Variants in COBL observed in about 807,000 individuals in gnomAD.
COBL encodes cordon-bleu WH2 repeat protein, also known as protein cordon-bleu.
COBL carries 51 observed loss-of-function variants against 98.8 expected under a neutral mutation model. That is an observed-to-expected ratio of 0.52 (90% CI 0.41 to 0.65). The LOEUF is 0.65. Among genes scored for constraint, COBL ranks in the 30% least tolerant of loss-of-function variants. The pLI, the probability that COBL is intolerant of heterozygous loss-of-function variation, is 0.00. For synonymous variants in COBL, 634 were observed against 651.7 expected (o/e 0.97, Z 0.41); for missense variants, 1,617 against 1,617.5 (o/e 1.00, Z 0.01).
At chr7:51,246,019 T>C (rs938380204) in intron 1 of COBL, among the ~76,000 whole-genome samples, 4 of 152,200 alleles carry the variant, frequency 2.6e-5, no homozygotes, top group African/African-American at 9.6e-5. Flanking sequence ...AAGATATCTA[T>C]GAATTATACC....
At position 51,271,422 on chromosome 7, in the gene COBL, C is replaced by A. The variant is rs76651909; in HGVS notation, c.41+45171G>T. Among the ~76,000 whole-genome samples, 953 of 152,294 alleles carry A rather than the reference C, an allele frequency of 6.3e-3. 24 individuals are homozygous for A. The East Asian group carries it at 0.063, about 10-fold the overall frequency. On this transcript the variant is annotated intron_variant, in intron 1 of 12. Coordinates refer to ENST00000265136, the MANE Select transcript of COBL (RefSeq NM_015198.5). ...GTAAGCCCCAACACTTCTGTTCTCA[C>A]CAGTTTGGGGATATTCTCACCAGGA...
chr7:51,263,575 C>G lies in COBL; in HGVS notation c.42-43631G>C, dbSNP rs377038807. ...TTCACACAGTGGGTGGAGGTCCCCA[C>G]TTTGGTGGGGAATTATGGAGCCCAC... On this transcript the variant is annotated intron_variant, in intron 1 of 12. Coordinates refer to ENST00000265136, the MANE Select transcript of COBL (RefSeq NM_015198.5). 2.9e-4 allele frequency among the ~76,000 whole-genome samples: 44 copies of G among 151,530 alleles called. 1 individual carries two copies. The East Asian group carries it at 7.4e-3, about 25-fold the overall frequency.
intron 6 of COBL, among the ~76,000 whole-genome samples, chr7:51,124,431 C>T (rs567312998): frequency 1.3e-5 from 2 of 152,254 alleles, no homozygotes; most frequent in East Asian, 3.9e-4. Context: ...GAGTTGCATG[C>T]CACTTACCAA....
At chr7:51,083,326 ACT>A (rs1793867983) in intron 7 of COBL, 1 of 837,288 alleles carries the variant, frequency 1.2e-6, no homozygotes, top group Admixed American at 3.2e-5. Context: ...ATCCAGCCAC[ACT>A]CAACACCAGA....
chr7:51,029,137 G>T lies in COBL; in HGVS notation c.1959C>A (p.Gly653=), dbSNP rs770672012. 1 of 1,614,162 alleles carries T rather than the reference G, an allele frequency of 6.2e-7. No homozygotes were observed. Among genetic ancestry groups the T allele is most frequent in the South Asian group, 1.1e-5 (1 of 91,080 alleles). ...LNAKVKDKVY[G]CADGERTQAT... Reference sequence around the variant, plus strand: ...CTTGAGTCCTCTCCCCGTCAGCACAGCCATACACTTTGTCTTTCACTTTTG... The same window carrying T: ...CTTGAGTCCTCTCCCCGTCAGCACATCCATACACTTTGTCTTTCACTTTTG... Residue 653 remains glycine (G), a synonymous_variant, in exon 10 of 13, where the codon GGC becomes GGA. Coordinates refer to ENST00000265136, the MANE Select transcript of COBL (RefSeq NM_015198.5).
chr7:51,305,916 A>G (rs1201952214), intron 1 of COBL, among the ~76,000 whole-genome samples: 1 of 152,146 alleles, frequency 6.6e-6, no homozygotes, highest in Non-Finnish European at 1.5e-5. Flanking sequence ...CGTGCCTGTA[A>G]TCCCAGCTAC....
chr7:51,168,365 G>C (rs1490047568), intron 5 of COBL, among the ~76,000 whole-genome samples: 2 of 152,004 alleles, frequency 1.3e-5, no homozygotes, highest in Non-Finnish European at 2.9e-5. Flanking sequence ...GAATCCAGAA[G>C]GTGGAGGCTG....
intron 5 of COBL, among the ~76,000 whole-genome samples, chr7:51,139,506 CT>C (rs1365031445): frequency 6.6e-6 from 1 of 151,978 alleles, no homozygotes; most frequent in Non-Finnish European, 1.5e-5. Context: ...CCCTAATTTG[CT>C]CTACACAATT....
intron 1 of COBL, among the ~76,000 whole-genome samples, chr7:51,307,463 C>T (rs774053157): frequency 6.6e-6 from 1 of 152,216 alleles, no homozygotes. Context: ...GGAGCAGGTT[C>T]TGGCCATCTC....
chr7:51,190,897 A>T lies in COBL; in HGVS notation c.638T>A (p.Leu213Gln). ...GAGCTCCTTTATCCCGAGCTCGTTC[A>T]GGGACTTGGACAGCTCCAGCTCCTC... ...AGEELELSKS[L>Q]NELGIKELYA... Residue 213 changes from leucine to glutamine, a missense_variant, in exon 4 of 13, where the codon CTG becomes CAG. Transcript: ENST00000265136. 1 of 1,614,100 alleles carries T rather than the reference A, an allele frequency of 6.2e-7. No individual in the cohort carries two copies. Among genetic ancestry groups the T allele is most frequent in the Admixed American group, 1.7e-5 (1 of 60,018 alleles).
intron 2 of COBL, among the ~76,000 whole-genome samples, chr7:51,205,704 G>A (rs1474771665): frequency 6.7e-6 from 1 of 148,484 alleles, no homozygotes; most frequent in Non-Finnish European, 1.5e-5. Context: ...AGCAAAAATA[G>A]ACAAATAGGA....
intron 7 of COBL, among the ~76,000 whole-genome samples, chr7:51,055,187 C>G (rs960228044): frequency 2.0e-5 from 3 of 152,218 alleles, no homozygotes; most frequent in African/African-American, 7.2e-5. Context: ...GCCCTCCCTC[C>G]TCCATGAGGT....
intron 2 of COBL, among the ~76,000 whole-genome samples, chr7:51,203,388 G>C (rs1464598215): frequency 2.6e-5 from 3 of 116,104 alleles, no homozygotes; most frequent in Non-Finnish European, 5.2e-5. Flanking sequence ...CGTGAACCCG[G>C]GAGGCGGAGC....
chr7:51,160,620 G>C (rs1456385395), intron 5 of COBL, among the ~76,000 whole-genome samples: 1 of 152,174 alleles, frequency 6.6e-6, no homozygotes, highest in Non-Finnish European at 1.5e-5. Context: ...AGAATGCTGG[G>C]TGCTGGTGAT....
At chr7:51,208,297 G>A (rs540081256) in intron 2 of COBL, among the ~76,000 whole-genome samples, 1 of 151,946 alleles carries the variant, frequency 6.6e-6, no homozygotes, top group African/African-American at 2.4e-5. Flanking sequence ...TGGGAAGTGA[G>A]GAGCGTCTCC....
At chr7:51,175,786 G>C (rs1788311624) in intron 5 of COBL, among the ~76,000 whole-genome samples, 1 of 152,168 alleles carries the variant, frequency 6.6e-6, no homozygotes, top group African/African-American at 2.4e-5. Context: ...AGGCAATTTA[G>C]AAAGACAAAG....
Position 51,193,607 on chromosome 7 carries a change from A to T in COBL, c.246-18T>A. ...TCGCATGGCTGAAAAAAGGAAAACAAATCATGATTATTAGGAATGACTGCA... is the reference window on the plus strand; with the variant it reads ...TCGCATGGCTGAAAAAAGGAAAACATATCATGATTATTAGGAATGACTGCA... On this transcript the variant is annotated intron_variant, in intron 2 of 12. Coordinates refer to ENST00000265136, the MANE Select transcript of COBL (RefSeq NM_015198.5). 7 of 1,609,376 alleles carry T rather than the reference A, an allele frequency of 4.3e-6. No homozygotes were observed. The highest frequency in any genetic ancestry group is 6.0e-6 in the Non-Finnish European group (7 of 1,176,168).
chr7:51,153,831 G>A (rs1394561412), intron 5 of COBL, among the ~76,000 whole-genome samples: 7 of 152,116 alleles, frequency 4.6e-5, no homozygotes, highest in Admixed American at 2.0e-4. Flanking sequence ...GTCACGCAGC[G>A]GCCAGCTAAC....
intron 6 of COBL, among the ~76,000 whole-genome samples, chr7:51,119,789 A>T (rs554941144): frequency 6.6e-6 from 1 of 152,356 alleles, no homozygotes; most frequent in African/African-American, 2.4e-5. Context: ...TATTTTTGTA[A>T]GTACTATTAC....
Sources: allele counts gnomAD v4.1 joint callset (sites outside exome capture counted in the v4.1 genomes callset), GRCh38; gene constraint gnomAD v4.1.1; transcripts MANE v1.5; gene names NCBI Gene and HGNC (gene_info 2026-07-23, HGNC 2026-07-21).